The following STON2 variants were observed in gnomAD, a reference collection of about 807,000 sequenced individuals.
STON2 encodes stonin 2.
Under a neutral mutation model 65.7 loss-of-function variants are expected in STON2, and 29 were observed. That is an observed-to-expected ratio of 0.44 (90% CI 0.33 to 0.60). The LOEUF (loss-of-function observed/expected upper bound fraction) is 0.60, where lower values mean the gene tolerates loss of function less well. Ranked by LOEUF, STON2 falls within the 20% of genes least tolerant of loss-of-function variation. The pLI is 0.03. For synonymous variants in STON2, 404 were observed against 414.2 expected, an observed-to-expected ratio of 0.98 and a Z score of 0.30; for missense variants, 1,054 against 1,118.1, an observed-to-expected ratio of 0.94 and a Z score of 0.82.
chr14:81,420,100 T>C (rs1901631519), intron 2 of STON2, among the ~76,000 whole-genome samples: 1 of 152,144 alleles, frequency 6.6e-6, no homozygotes, highest in African/African-American at 2.4e-5. Flanking sequence ...TAGCAGCAGA[T>C]GAGAAATCCA....
At chr14:81,318,777 G>C (rs2140235759) in intron 5 of STON2, among the ~76,000 whole-genome samples, 1 of 152,292 alleles carries the variant, frequency 6.6e-6, no homozygotes, top group South Asian at 2.1e-4. Context: ...CTTGAACCTG[G>C]GAGACGGAAC....
At chr14:81,384,794 A>C (rs1359238114) in intron 3 of STON2, among the ~76,000 whole-genome samples, 2 of 152,198 alleles carry the variant, frequency 1.3e-5, no homozygotes, top group African/African-American at 2.4e-5. Flanking sequence ...AATTTTAAAT[A>C]CATATATTTT....
At chr14:81,347,234 AAG>A (rs1380222572) in intron 4 of STON2, among the ~76,000 whole-genome samples, 6 of 152,116 alleles carry the variant, frequency 3.9e-5, no homozygotes, top group Non-Finnish European at 7.4e-5. Flanking sequence ...GAAACAAAAA[AAG>A]GATACATTAA....
intron 5 of STON2, chr14:81,323,573 C>G (rs1455472925): frequency 6.6e-6 from 1 of 152,176 alleles, no homozygotes; most frequent in Non-Finnish European, 1.5e-5. Context: ...AATAAAGGGT[C>G]TCTTTTTGTT....
At chr14:81,326,952 T>C (rs1038146014) in intron 4 of STON2, among the ~76,000 whole-genome samples, 2 of 152,098 alleles carry the variant, frequency 1.3e-5, no homozygotes, top group African/African-American at 2.4e-5. Context: ...CCCCACCCAT[T>C]GTCCTAAGTA....
rs187923657 is a variant in STON2, at chr14:81,363,119, T to G, written c.571+7869A>C. 5.1e-4 allele frequency among the ~76,000 whole-genome samples: 77 copies of G among 152,346 alleles called. 1 individual carries two copies. The East Asian group carries it at 0.011, about 21-fold the overall frequency. ...GTGAGCCCAGGAAAGAGACTTGGGT[T>G]GAATCCCAACTACCCTTTTTATTTG... On this transcript the variant is annotated intron_variant, in intron 4 of 7. Transcript: ENST00000614646.
chr14:81,362,959 G>T (rs558030080), intron 4 of STON2, among the ~76,000 whole-genome samples: 1 of 152,106 alleles, frequency 6.6e-6, no homozygotes, highest in Admixed American at 6.6e-5. Flanking sequence ...ACATGATGGG[G>T]GTTTGTATAT....
chr14:81,266,439 T>TCATTC lies in STON2; in HGVS notation c.*1970_*1974dup, dbSNP rs748493099. The stretch of plus-strand genomic sequence containing the variant: ...TAGAAATTTCTAGGCAGCTATTGTA[T>TCATTC]CATTCCCTCCTTGTCTGCACTCCCT... On this transcript the variant is annotated 3_prime_UTR_variant, in exon 8 of 8. Coordinates refer to ENST00000614646, the MANE Select transcript of STON2 (RefSeq NM_001394390.1). 3.5e-4 allele frequency among the ~76,000 whole-genome samples: 54 copies of TCATTC among 152,336 alleles called. No individual in the cohort carries two copies. The South Asian group carries it at 4.3e-3, about 12-fold the overall frequency.
chr14:81,297,506 T>C (rs1343399947), intron 5 of STON2, among the ~76,000 whole-genome samples: 2 of 152,250 alleles, frequency 1.3e-5, no homozygotes, highest in Non-Finnish European at 2.9e-5. Context: ...TCTGAGTCTG[T>C]TTCCTCACTT....
At chr14:81,396,292 G>GT in intron 2 of STON2, 114 bp from the exon 3 acceptor site, 1 of 943,152 alleles carries the variant, frequency 1.1e-6, no homozygotes, top group Non-Finnish European at 1.6e-6. Flanking sequence ...CGCCACTGCA[G>GT]TGAGTGGGGA....
chr14:81,291,149 G>C (rs1403597735), intron 5 of STON2, among the ~76,000 whole-genome samples: 2 of 152,086 alleles, frequency 1.3e-5, no homozygotes, highest in East Asian at 3.8e-4. Context: ...GAGAAAGAAA[G>C]AACAGGTTAT....
rs370328750 is a variant in STON2, at chr14:81,282,834, A to C, written c.743-4095T>G. Among the ~76,000 whole-genome samples, 18 of 152,326 alleles carry C rather than the reference A, an allele frequency of 1.2e-4. No homozygotes were observed. The South Asian group carries it at 3.7e-3, about 32-fold the overall frequency. On this transcript the variant is annotated intron_variant, in intron 5 of 7. Coordinates refer to ENST00000614646, the MANE Select transcript of STON2 (RefSeq NM_001394390.1). ...CAGCAGTTAGATCTTTCCCAAGACAATTATGACTGGTGTGGCTGGGACTGG... is the reference window on the plus strand; with the variant it reads ...CAGCAGTTAGATCTTTCCCAAGACACTTATGACTGGTGTGGCTGGGACTGG...
At chr14:81,354,878 A>T (rs557796571) in intron 4 of STON2, among the ~76,000 whole-genome samples, 1 of 152,108 alleles carries the variant, frequency 6.6e-6, no homozygotes, top group African/African-American at 2.4e-5. Flanking sequence ...TTAGCTGGGC[A>T]TGGTGGCACG....
chr14:81,277,596 G>A lies in STON2; in HGVS notation c.1886C>T (p.Thr629Ile), dbSNP rs1566884042. The A allele has an allele frequency of 1.2e-6, 2 of 1,614,130 alleles. No individual in the cohort carries two copies. The highest frequency in any genetic ancestry group is 2.2e-5 in the South Asian group (2 of 91,082). Reference protein sequence around the residue: ...VGLNYLEEEITVDVRDEFSGI... With the variant: ...VGLNYLEEEIIVDVRDEFSGI... ...AGAGAATTCATCTCTGACATCCACT[G>A]TAATCTCCTCTTCAAGGTAGTTGAG... The change falls in exon 6 of 8, where the codon ACA (threonine) becomes ATA (isoleucine). Residue 629 changes from threonine to isoleucine, a missense_variant. Transcript: ENST00000614646.
rs1894280859 is a variant in STON2 at position 81,264,486 on chromosome 14, G to A, written c.*3928C>T. On this transcript the variant is annotated 3_prime_UTR_variant, in exon 8 of 8. Coordinates refer to ENST00000614646, the MANE Select transcript of STON2 (RefSeq NM_001394390.1). ...GTTTGCCCTCCTGGCAAGCATTTAA[G>A]GTGGCTGAACCCTATTATATTCCAA... The A allele has an allele frequency of 2.0e-6, 2 of 985,206 alleles. No individual in the cohort carries two copies. Among genetic ancestry groups the A allele is most frequent in the Non-Finnish European group, 2.4e-6 (2 of 829,930 alleles). The allele number at this position is 985,206 out of a possible 1,614,324, so 61.0% of individuals were successfully genotyped here.
intron 5 of STON2, among the ~76,000 whole-genome samples, chr14:81,315,701 T>C (rs937407918): frequency 6.6e-6 from 1 of 152,250 alleles, no homozygotes; most frequent in African/African-American, 2.4e-5. Flanking sequence ...AGCTGGGTGC[T>C]GTAGTCTTAG....
rs59359589 is a variant in STON2, at chr14:81,263,537, CAA to C, written c.*4875_*4876del. The C allele has an allele frequency of 0.13, 10,211 of 79,848 alleles. 87 individuals are homozygous for C. The highest frequency in any genetic ancestry group is 0.19 in the African/African-American group (3,987 of 20,686). The allele number at this position is 79,848 out of a possible 1,614,324, so 4.9% of individuals were successfully genotyped here. A position where few individuals can be genotyped will look rare whatever the true frequency, so the allele number is the denominator to read the frequency against. The stretch of plus-strand genomic sequence containing the variant: ...TGGGTGACAGACTGAGACTCCGTCT[CAA>C]AAAAAAAAAAAAAAAAAAAAACAAA... On this transcript the variant is annotated 3_prime_UTR_variant, in exon 8 of 8. Coordinates refer to ENST00000614646, the MANE Select transcript of STON2 (RefSeq NM_001394390.1).
rs58816192 is a variant in STON2, at chr14:81,352,369, T to G, written c.571+18619A>C. Reference sequence around the variant, plus strand: ...ATGTTACTGTGGTTTGTTGCCTACATCCATAATTGAGGGACATGCTCATCT... The same window carrying G: ...ATGTTACTGTGGTTTGTTGCCTACAGCCATAATTGAGGGACATGCTCATCT... On this transcript the variant is annotated intron_variant, in intron 4 of 7. Transcript: ENST00000614646. Among the ~76,000 whole-genome samples, 1,458 of 152,296 alleles carry G rather than the reference T, an allele frequency of 9.6e-3. 26 individuals are homozygous for G. The highest frequency in any genetic ancestry group is 0.034 in the African/African-American group (1,402 of 41,554).
In STON2 at chr14:81,266,152, T is replaced by C. The variant is rs556538736; in HGVS notation, c.*2262A>G. On this transcript the variant is annotated 3_prime_UTR_variant, in exon 8 of 8. Transcript: ENST00000614646. ...ACTAAACCTATATTTAGAAGGAATC[T>C]TGGTAGACATATAGACCAAATCCAA... The C allele has an allele frequency of 1.0e-6, 1 of 960,112 alleles. No individual in the cohort carries two copies. Among genetic ancestry groups the C allele is most frequent in the East Asian group, 1.2e-4 (1 of 8,674 alleles). The allele number at this position is 960,112 out of a possible 1,614,324, so 59.5% of individuals were successfully genotyped here.
Sources: gnomAD v4.1 joint callset for allele counts (sites outside exome capture counted in the v4.1 genomes callset) on GRCh38, gnomAD v4.1.1 for gene constraint, MANE v1.5 for transcripts, NCBI Gene and HGNC (gene_info 2026-07-23, HGNC 2026-07-21) for gene names.